The following RARB variants were observed in gnomAD, a reference collection of about 807,000 sequenced individuals.
RARB encodes the protein HBV-activated protein.
RARB carries 17 observed loss-of-function variants against 51.9 expected under a neutral mutation model. That is an observed-to-expected ratio of 0.33 (90% CI 0.22 to 0.49). The LOEUF is 0.49. RARB is among the 20% of genes least tolerant of loss of function. The probability of loss-of-function intolerance (pLI) is 0.99; values close to 1 mark genes in which losing one functional copy is unlikely to be tolerated. For synonymous variants in RARB, 215 were observed against 195.4 expected (o/e 1.10, Z -0.84); for missense variants, 369 against 550.8 (o/e 0.67, Z 3.30).
chr3:24,844,951 C>T (rs571746456), intron 1 of RARB, among the ~76,000 whole-genome samples: 13 of 152,296 alleles, frequency 8.5e-5, no homozygotes, highest in African/African-American at 2.4e-4. Flanking sequence ...CAATGACCAA[C>T]GTCTTCCTCT....
At chr3:25,454,757 C>T (rs1470017441) in intron 1 of RARB, among the ~76,000 whole-genome samples, 7 of 151,958 alleles carry the variant, frequency 4.6e-5, no homozygotes, top group Admixed American at 2.0e-4. Context: ...AGAAAAATGC[C>T]AAGCATGTAA....
chr3:25,134,243 A>T (rs1171812244), intron 4 of RARB, among the ~76,000 whole-genome samples: 1 of 151,934 alleles, frequency 6.6e-6, no homozygotes, highest in African/African-American at 2.4e-5. Context: ...AATAATATTT[A>T]GTAGAGTGTT....
chr3:24,842,875 A>T (rs1271804331), intron 1 of RARB, among the ~76,000 whole-genome samples: 1 of 152,240 alleles, frequency 6.6e-6, no homozygotes, highest in East Asian at 1.9e-4. Flanking sequence ...CCACATAACG[A>T]TAGTCACATG....
chr3:25,099,434 AT>A (rs1440280957), intron 3 of RARB, among the ~76,000 whole-genome samples: 1 of 152,122 alleles, frequency 6.6e-6, no homozygotes, highest in Admixed American at 6.5e-5. Context: ...GAAGCATTTC[AT>A]TTATAATGTC....
chr3:25,081,875 C>T (rs561077138), intron 3 of RARB, among the ~76,000 whole-genome samples: 16 of 151,348 alleles, frequency 1.1e-4, no homozygotes, highest in East Asian at 2.0e-4. Flanking sequence ...TCAGGTGATC[C>T]GCCTGCCTTG....
At chr3:24,957,655 G>T (rs1696045475) in intron 2 of RARB, among the ~76,000 whole-genome samples, 1 of 152,170 alleles carries the variant, frequency 6.6e-6, no homozygotes. Context: ...AATATTTGGA[G>T]GTTTCAAGCA....
At chr3:25,362,930 A>G (rs1705995528) in intron 5 of RARB, among the ~76,000 whole-genome samples, 1 of 152,166 alleles carries the variant, frequency 6.6e-6, no homozygotes. Context: ...CATCTTGCCC[A>G]GGAACAGAGC....
intron 1 of RARB, among the ~76,000 whole-genome samples, chr3:25,459,267 A>C (rs1290986443): frequency 6.6e-6 from 1 of 152,222 alleles, no homozygotes; most frequent in African/African-American, 2.4e-5. Flanking sequence ...TGAAGGTCTG[A>C]GAATATCTAG....
chr3:25,098,467 C>G (rs1361811789), intron 3 of RARB, among the ~76,000 whole-genome samples: 1 of 152,168 alleles, frequency 6.6e-6, no homozygotes, highest in African/African-American at 2.4e-5. Context: ...GAGAGCAATT[C>G]CTACCTGTGT....
intron 5 of RARB, among the ~76,000 whole-genome samples, chr3:25,582,482 C>A (rs905885897): frequency 2.0e-5 from 3 of 151,962 alleles, no homozygotes; most frequent in African/African-American, 7.3e-5. Context: ...CTGCTTGTTT[C>A]TTAATCCTTC....
At chr3:25,050,312 C>T (rs1221319184) in intron 2 of RARB, among the ~76,000 whole-genome samples, 2 of 152,152 alleles carry the variant, frequency 1.3e-5, no homozygotes, top group Non-Finnish European at 2.9e-5. Context: ...ATAAGACACA[C>T]TGCATCACCT....
intron 5 of RARB, among the ~76,000 whole-genome samples, chr3:25,262,033 G>T (rs937707288): frequency 5.9e-5 from 9 of 152,078 alleles, no homozygotes; most frequent in African/African-American, 2.2e-4. Flanking sequence ...CTGGATTAAA[G>T]GCCCTCTGGG....
intron 5 of RARB, among the ~76,000 whole-genome samples, chr3:25,253,388 T>C (rs1049136388): frequency 6.6e-6 from 1 of 152,192 alleles, no homozygotes; most frequent in African/African-American, 2.4e-5. Context: ...CTTAACTTTA[T>C]TTTGAAATAC....
intron 4 of RARB, among the ~76,000 whole-genome samples, chr3:25,163,579 T>A (rs895277623): frequency 1.3e-5 from 2 of 150,700 alleles, no homozygotes; most frequent in Non-Finnish European, 2.9e-5. Context: ...ATATCATAAT[T>A]CTAATGTAGT....
chr3:25,024,413 T>C (rs772184366), intron 2 of RARB, among the ~76,000 whole-genome samples: 20 of 152,194 alleles, frequency 1.3e-4, no homozygotes, highest in Non-Finnish European at 2.5e-4. Flanking sequence ...GCTTTCTAAT[T>C]CATATAAACT....
Position 25,428,794 on chromosome 3 carries a change from G to C in RARB, c.63G>C (p.Ala21=), listed in dbSNP as rs765882393. ...SPGQILDFYT[A]SPSSCMLQEK... is the part of the protein sequence containing the mutation. Reference sequence around the variant, plus strand: ...GGCAAATCCTGGATTTCTACACTGCGAGTCCGTCTTCCTGCATGCTCCAGG... The same window carrying C: ...GGCAAATCCTGGATTTCTACACTGCCAGTCCGTCTTCCTGCATGCTCCAGG... Residue 21 remains alanine, a synonymous_variant, in exon 1 of 8, where the codon GCG becomes GCC. Transcript: ENST00000330688. The C allele has an allele frequency of 2.5e-6, 4 of 1,614,112 alleles. No individual in the cohort carries two copies. The highest frequency in any genetic ancestry group is 1.6e-4 in the Middle Eastern group (1 of 6,062).
At chr3:25,429,275 C>T (rs149661654) in intron 1 of RARB, among the ~76,000 whole-genome samples, 649 of 152,296 alleles carry the variant, frequency 4.3e-3, no homozygotes, top group Admixed American at 0.011. Context: ...TGGAATTTAA[C>T]TTTGCTGTTC....
At chr3:25,233,664 C>CAT (rs1211793949) in intron 5 of RARB, among the ~76,000 whole-genome samples, 1 of 151,866 alleles carries the variant, frequency 6.6e-6, no homozygotes, top group Non-Finnish European at 1.5e-5. Context: ...GCATGAAACC[C>CAT]ATATAAGCTA....
chr3:25,272,368 CCAAA>C (rs1008418676), intron 5 of RARB, among the ~76,000 whole-genome samples: 1 of 152,148 alleles, frequency 6.6e-6, no homozygotes. Flanking sequence ...TGTCTGCCTG[CCAAA>C]CAAAGTCTTG....
Sources: gnomAD v4.1 joint callset for allele counts (sites outside exome capture counted in the v4.1 genomes callset) on GRCh38, gnomAD v4.1.1 for gene constraint, MANE v1.5 for transcripts, NCBI Gene and HGNC (gene_info 2026-07-23, HGNC 2026-07-21) for gene names.